The following PAM variants were observed in gnomAD, a reference collection of about 807,000 sequenced individuals.
PAM encodes the protein peptidyl-glycine alpha-amidating monooxygenase.
In PAM, 72 loss-of-function variants were observed where a neutral mutation model predicts 122.1. The observed-to-expected ratio is 0.59, with a 90% CI of 0.49 to 0.72. The LOEUF (loss-of-function observed/expected upper bound fraction) is 0.72, where lower values mean the gene tolerates loss of function less well. Among genes scored for constraint, PAM ranks in the 30% least tolerant of loss-of-function variants. The pLI is 0.00. For synonymous variants in PAM, 389 were observed against 404.4 expected (o/e 0.96, Z 0.46); for missense variants, 1,106 against 1,183.7 (o/e 0.93, Z 0.96).
At chr5:102,842,788 A>G (rs1778968171) in intron 1 of PAM, among the ~76,000 whole-genome samples, 1 of 152,224 alleles carries the variant, frequency 6.6e-6, no homozygotes, top group African/African-American at 2.4e-5. Context: ...ACAATTAGGA[A>G]TGGGAGAAAA....
At chr5:103,018,570 C>T (rs999611185) in intron 22 of PAM, among the ~76,000 whole-genome samples, 18 of 152,016 alleles carry the variant, frequency 1.2e-4, no homozygotes, top group Admixed American at 6.6e-4. Flanking sequence ...TCTCACCACC[C>T]GAATTGTCAA....
At chr5:102,960,887 G>T (rs1347788428) in intron 13 of PAM, among the ~76,000 whole-genome samples, 1 of 131,296 alleles carries the variant, frequency 7.6e-6, no homozygotes, top group East Asian at 2.6e-4. Flanking sequence ...TTTTGTCAAT[G>T]CATTTTGAAA....
At chr5:102,758,155 A>G (rs1411352118) in intron 1 of PAM, among the ~76,000 whole-genome samples, 1 of 128,212 alleles carries the variant, frequency 7.8e-6, no homozygotes, top group Non-Finnish European at 1.6e-5. Context: ...AAGATTGACC[A>G]GGGATCTTGA....
chr5:102,981,227 T>G (rs1421928558), intron 15 of PAM, among the ~76,000 whole-genome samples: 1 of 152,254 alleles, frequency 6.6e-6, no homozygotes, highest in Non-Finnish European at 1.5e-5. Context: ...CAATATTTTA[T>G]GAAATTCATA....
chr5:102,804,499 T>C (rs1472331024), intron 1 of PAM, among the ~76,000 whole-genome samples: 1 of 152,184 alleles, frequency 6.6e-6, no homozygotes, highest in African/African-American at 2.4e-5. Context: ...CTTTTGTCAT[T>C]AGAAGTTCTT....
chr5:102,796,315 A>G (rs1763370055), intron 1 of PAM, among the ~76,000 whole-genome samples: 1 of 152,156 alleles, frequency 6.6e-6, no homozygotes, highest in Non-Finnish European at 1.5e-5. Flanking sequence ...GGACTCATAG[A>G]TCGATCTGTG....
At chr5:103,011,018 T>C (rs1485323160) in intron 21 of PAM, among the ~76,000 whole-genome samples, 1 of 152,180 alleles carries the variant, frequency 6.6e-6, no homozygotes. Flanking sequence ...AAATACTAGG[T>C]CTTATTCATT....
At chr5:102,988,888 A>C (rs563702152) in intron 15 of PAM, among the ~76,000 whole-genome samples, 1 of 152,182 alleles carries the variant, frequency 6.6e-6, no homozygotes, top group Non-Finnish European at 1.5e-5. Context: ...AATTATTTTG[A>C]AGTGCTTGTT....
intron 3 of PAM, among the ~76,000 whole-genome samples, chr5:102,899,214 T>C (rs992304696): frequency 6.6e-6 from 1 of 151,698 alleles, no homozygotes; most frequent in African/African-American, 2.4e-5. Context: ...AAAGACATTT[T>C]CAAATTATTC....
intron 14 of PAM, among the ~76,000 whole-genome samples, chr5:102,963,613 C>A (rs973898607): frequency 4.6e-5 from 7 of 151,898 alleles, no homozygotes; most frequent in African/African-American, 1.7e-4. Context: ...CACAAGCTAA[C>A]AGACACCATC....
At chr5:102,780,907 TG>T (rs1758781617) in intron 1 of PAM, among the ~76,000 whole-genome samples, 1 of 151,112 alleles carries the variant, frequency 6.6e-6, no homozygotes, top group African/African-American at 2.4e-5. Flanking sequence ...TTCTTTGTTG[TG>T]GGGGCTGTCC....
intron 1 of PAM, among the ~76,000 whole-genome samples, chr5:102,793,773 T>C (rs1762655445): frequency 6.6e-6 from 1 of 152,226 alleles, no homozygotes. Context: ...AAGTATTTTA[T>C]CCTAAGTTTA....
intron 22 of PAM, among the ~76,000 whole-genome samples, chr5:103,017,834 T>C (rs1782474678): frequency 6.6e-6 from 1 of 152,204 alleles, no homozygotes; most frequent in South Asian, 2.1e-4. Flanking sequence ...GTTTGAGACA[T>C]ATTATCCCAA....
chr5:102,916,281 G>A (rs1310151048), intron 5 of PAM, among the ~76,000 whole-genome samples: 1 of 152,092 alleles, frequency 6.6e-6, no homozygotes, highest in Admixed American at 6.6e-5. Context: ...AGCTGGAAGT[G>A]TGTGTACTGC....
intron 1 of PAM, among the ~76,000 whole-genome samples, chr5:102,835,427 T>C (rs770742241): frequency 6.6e-6 from 1 of 152,060 alleles, no homozygotes; most frequent in African/African-American, 2.4e-5. Context: ...GCTGAGAAAA[T>C]TTAATTGTTA....
At chr5:102,952,145 G>A (rs906639363) in intron 12 of PAM, among the ~76,000 whole-genome samples, 9 of 150,768 alleles carry the variant, frequency 6.0e-5, no homozygotes, top group African/African-American at 2.2e-4. Context: ...CACATTACCT[G>A]CATTGACTTA....
chr5:102,991,527 A>G (rs867703452), intron 16 of PAM, among the ~76,000 whole-genome samples: 1 of 152,176 alleles, frequency 6.6e-6, no homozygotes, highest in Middle Eastern at 3.2e-3. Flanking sequence ...CTCCAGTTTC[A>G]GAGATGTTGA....
At chr5:102,831,437 CTTT>C (rs60621758) in intron 1 of PAM, among the ~76,000 whole-genome samples, 2 of 148,838 alleles carry the variant, frequency 1.3e-5, no homozygotes, top group African/African-American at 4.9e-5. Flanking sequence ...TTTTTTTTTC[CTTT>C]TTTTTTTTAC....
intron 15 of PAM, among the ~76,000 whole-genome samples, chr5:102,982,268 C>T (rs1770163074): frequency 6.6e-6 from 1 of 152,164 alleles, no homozygotes; most frequent in Non-Finnish European, 1.5e-5. Flanking sequence ...CCTTCCAGCC[C>T]ACTACCACCA....
Sources: allele counts gnomAD v4.1 joint callset (sites outside exome capture counted in the v4.1 genomes callset), GRCh38; gene constraint gnomAD v4.1.1; transcripts MANE v1.5; gene names NCBI Gene and HGNC (gene_info 2026-07-23, HGNC 2026-07-21).